GAN: variants seen among roughly 807,000 people sequenced by gnomAD.
GAN encodes epididymis secretory sperm binding protein.
In GAN, 48 loss-of-function variants were observed where a neutral mutation model predicts 71.3. That is an observed-to-expected ratio of 0.67 (90% CI 0.53 to 0.86). The LOEUF is 0.86. Among genes scored for constraint, GAN ranks in the 40% least tolerant of loss-of-function variants. GAN has a pLI of 0.00. For missense variants in GAN, 928 were observed against 770.1 expected (o/e 1.21, Z -2.43); for synonymous variants, 386 against 276.8 (o/e 1.39, Z -3.92).
chr16:81,353,130 A>G (rs1354172040), intron 2 of GAN, among the ~76,000 whole-genome samples: 3 of 152,196 alleles, frequency 2.0e-5, no homozygotes, highest in East Asian at 1.9e-4. Flanking sequence ...TCTCTACTAA[A>G]AATACAAAAA....
At position 81,357,869 on chromosome 16, in the gene GAN, A is replaced by T. The variant is rs1910543256; in HGVS notation, c.911A>T (p.Gln304Leu). Residue 304 changes from glutamine to leucine, a missense_variant, in exon 5 of 11, where the codon CAG becomes CTG. Physicochemically the swap from Gln to Leu is moderately radical, Grantham distance 113. Transcript: ENST00000648994. ...CMCPLYDPNR[Q>L]LWIELAPLSM... ...TGCCCTCTCTATGACCCTAACAGGC[A>T]GCTTTGGATCGAACTGGCCCCTTTA... 6.2e-7 allele frequency: 1 copy of T among 1,613,500 alleles called. No individual in the cohort carries two copies. The highest frequency in any genetic ancestry group is 1.7e-5 in the Admixed American group (1 of 60,008).
chr16:81,374,609 C>A (rs964642567), intron 9 of GAN, among the ~76,000 whole-genome samples: 1 of 152,204 alleles, frequency 6.6e-6, no homozygotes. Context: ...AGTTATAAAT[C>A]CAGCACCATC....
intron 1 of GAN, among the ~76,000 whole-genome samples, chr16:81,324,929 C>A (rs1259574550): frequency 6.6e-6 from 1 of 152,134 alleles, no homozygotes; most frequent in East Asian, 1.9e-4. Flanking sequence ...ATGCCCTGGG[C>A]CAGGTTTGGC....
intron 1 of GAN, among the ~76,000 whole-genome samples, chr16:81,349,397 G>A (rs966145700): frequency 2.0e-5 from 3 of 152,008 alleles, no homozygotes; most frequent in African/African-American, 2.4e-5. Flanking sequence ...GCCTATAATC[G>A]CAGCACTTTG....
chr16:81,354,783 T>C (rs372636846), intron 3 of GAN, 28 bp downstream of exon 3: 16 of 1,353,322 alleles, frequency 1.2e-5, no homozygotes, highest in Non-Finnish European at 1.6e-5. Flanking sequence ...CATGGTCAAA[T>C]TTGCCTTTTT....
chr16:81,316,471 G>A (rs116535880), intron 1 of GAN, among the ~76,000 whole-genome samples: 66 of 150,770 alleles, frequency 4.4e-4, no homozygotes, highest in African/African-American at 1.6e-3. Flanking sequence ...GCTCTTTGGC[G>A]GTGGGGAGTG....
chr16:81,352,493 G>A (rs1910332199), intron 2 of GAN, among the ~76,000 whole-genome samples: 1 of 152,122 alleles, frequency 6.6e-6, no homozygotes, highest in African/African-American at 2.4e-5. Flanking sequence ...CTTTGGCTGT[G>A]TGAGAATGCA....
chr16:81,320,933 T>A (rs1248659598), intron 1 of GAN, among the ~76,000 whole-genome samples: 1 of 152,218 alleles, frequency 6.6e-6, no homozygotes, highest in South Asian at 2.1e-4. Context: ...TTTTTTCTTT[T>A]TTGTAATCAC....
chr16:81,348,234 T>TC lies in GAN; in HGVS notation c.168-3348dup, dbSNP rs376073637. 4.5e-4 allele frequency among the ~76,000 whole-genome samples: 68 copies of TC among 152,346 alleles called. 1 individual carries two copies. In the East Asian group the frequency reaches 0.012, roughly 28 times the overall value. On this transcript the variant is annotated intron_variant, in intron 1 of 10. Coordinates refer to ENST00000648994, the MANE Select transcript of GAN (RefSeq NM_022041.4). ...CCCTACATTTAAAAAAATTTTTTTT[T>TC]CAATCATTACCATTTTTTGCTGGCT...
intron 5 of GAN, among the ~76,000 whole-genome samples, chr16:81,361,094 A>G (rs530188498): frequency 2.0e-4 from 31 of 152,288 alleles, no homozygotes; most frequent in Admixed American, 9.8e-4. Context: ...ATGTGGTGGC[A>G]TGTGCCTGTA....
Position 81,384,719 on chromosome 16 carries a change from A to G in GAN, c.*7123A>G, listed in dbSNP as rs1028814316. The G allele has an allele frequency of 1.3e-5, 2 of 152,172 alleles. No homozygotes were observed. Among genetic ancestry groups the G allele is most frequent in the African/African-American group, 4.8e-5 (2 of 41,430 alleles). The allele number at this position is 152,172 out of a possible 1,614,324, so 9.4% of individuals were successfully genotyped here. On this transcript the variant is annotated 3_prime_UTR_variant, in exon 11 of 11. Transcript: ENST00000648994. ...GCAGAACTATATAGAGTTGGATGAT[A>G]CTGAAAATCATGAATGATGTGATTT...
chr16:81,334,703 C>T (rs1433377803), intron 1 of GAN, among the ~76,000 whole-genome samples: 1 of 152,188 alleles, frequency 6.6e-6, no homozygotes, highest in Non-Finnish European at 1.5e-5. Context: ...ATCCCCTTCT[C>T]ATTTGAGGAC....
At chr16:81,356,476 TTCTTTTCCTG>T (rs1597402607) in intron 3 of GAN, among the ~76,000 whole-genome samples, 1 of 152,248 alleles carries the variant, frequency 6.6e-6, no homozygotes, top group East Asian at 1.9e-4. Context: ...TTATAGCTGG[TTCTTTTCCTG>T]TCTTTTCCTA....
chr16:81,332,163 A>C (rs74815392), intron 1 of GAN, among the ~76,000 whole-genome samples: 7 of 147,742 alleles, frequency 4.7e-5, no homozygotes, highest in African/African-American at 7.3e-5. Flanking sequence ...ATCTGTCTCA[A>C]AAAAAAAAAA....
intron 4 of GAN, among the ~76,000 whole-genome samples, chr16:81,357,252 C>T (rs1425596331): frequency 6.6e-6 from 1 of 152,148 alleles, no homozygotes; most frequent in African/African-American, 2.4e-5. Flanking sequence ...GCTATCCCTC[C>T]CCTCTCCCTC....
At chr16:81,370,846 G>A (rs1378449773) in intron 9 of GAN, among the ~76,000 whole-genome samples, 1 of 152,188 alleles carries the variant, frequency 6.6e-6, no homozygotes, top group African/African-American at 2.4e-5. Flanking sequence ...CTTACTTTGG[G>A]TTTCTTTTAC....
At chr16:81,360,644 C>T (rs1288047504) in intron 5 of GAN, among the ~76,000 whole-genome samples, 4 of 151,892 alleles carry the variant, frequency 2.6e-5, no homozygotes, top group African/African-American at 9.7e-5. Context: ...CCATTACCTT[C>T]AAATCCTCTC....
At position 81,365,695 on chromosome 16, in the gene GAN, T is replaced by C. The variant is rs1385173833; in HGVS notation, c.1502+217T>C. On this transcript the variant is annotated intron_variant, in intron 9 of 10. Coordinates refer to ENST00000648994, the MANE Select transcript of GAN (RefSeq NM_022041.4). The stretch of plus-strand genomic sequence containing the variant: ...ATATCTCTAATATGTAGATGAGATC[T>C]TGACGCTTAGTTGCTTAAAATCATT... Among the ~76,000 whole-genome samples, 3 of 151,388 alleles carry C rather than the reference T, an allele frequency of 2.0e-5. No individual in the cohort carries two copies. The South Asian group carries it at 6.3e-4, about 32-fold the overall frequency.
At chr16:81,357,352 C>T (rs966155086) in intron 4 of GAN, among the ~76,000 whole-genome samples, 14 of 152,046 alleles carry the variant, frequency 9.2e-5, no homozygotes, top group Non-Finnish European at 1.5e-4. Context: ...TGAGAATATG[C>T]GGTGTTTGGT....
Sources: allele counts gnomAD v4.1 joint callset (sites outside exome capture counted in the v4.1 genomes callset), GRCh38; gene constraint gnomAD v4.1.1; transcripts MANE v1.5; gene names NCBI Gene and HGNC (gene_info 2026-07-23, HGNC 2026-07-21).